Variants in MGAT5B observed in about 807,000 individuals in gnomAD.
MGAT5B encodes the protein alpha-1,6-mannosylglycoprotein 6-beta-N-acetylglucosaminyltransferase B, also known as N-acetylglucosaminyl-transferase Vb.
MGAT5B carries 54 observed loss-of-function variants against 95.1 expected under a neutral mutation model. The ratio of observed to expected loss-of-function variants is 0.57; its 90% CI spans 0.46 to 0.71. The LOEUF is 0.71. MGAT5B is among the 30% of genes least tolerant of loss of function. The pLI is 0.00. For synonymous variants in MGAT5B, 464 were observed against 451.0 expected, an observed-to-expected ratio of 1.03 and a Z score of -0.36; for missense variants, 935 against 1,088.6, an observed-to-expected ratio of 0.86 and a Z score of 1.99.
chr17:76,887,666 G>A (rs1450275504), intron 3 of MGAT5B, among the ~76,000 whole-genome samples: 1 of 149,230 alleles, frequency 6.7e-6, no homozygotes, highest in Admixed American at 6.7e-5. Flanking sequence ...CAATTCTCCC[G>A]CCTCAGCCTC....
chr17:76,902,713 CAATGAACT>C, intron 4 of MGAT5B, 43 bp downstream of exon 4: 7 of 711,214 alleles, frequency 9.8e-6, no homozygotes, highest in East Asian at 9.1e-5. Flanking sequence ...CCTAGGGGGC[CAATGAACT>C]GGGTGCTGGG....
chr17:76,935,352 T>C (rs1271744132), intron 12 of MGAT5B, among the ~76,000 whole-genome samples: 1 of 144,756 alleles, frequency 6.9e-6, no homozygotes, highest in Non-Finnish European at 1.5e-5. Context: ...AAACATATGC[T>C]TTCATTTCTC....
chr17:76,898,326 C>CTT (rs1356116019), intron 3 of MGAT5B, among the ~76,000 whole-genome samples: 3 of 130,340 alleles, frequency 2.3e-5, no homozygotes, highest in African/African-American at 1.0e-4. Context: ...AGTACATAAT[C>CTT]TTTTTATTTT....
intron 1 of MGAT5B, among the ~76,000 whole-genome samples, chr17:76,872,414 CTT>C (rs1018894303): frequency 6.6e-6 from 1 of 152,364 alleles, no homozygotes; most frequent in African/African-American, 2.4e-5. Context: ...CTTCAGGAGA[CTT>C]TGCTAAAACA....
At chr17:76,925,620 A>G (rs920337566) in intron 9 of MGAT5B, among the ~76,000 whole-genome samples, 20 of 152,058 alleles carry the variant, frequency 1.3e-4, no homozygotes, top group African/African-American at 3.4e-4. Flanking sequence ...CTCCAGTCCC[A>G]TTGACGATCC....
rs1252212737 is a variant in MGAT5B, at chr17:76,949,206, C to T, written c.*368C>T. 1.2e-5 allele frequency: 3 copies of T among 245,696 alleles called. No individual in the cohort carries two copies. In the East Asian group the frequency reaches 3.0e-4, roughly 25 times the overall value. The allele number at this position is 245,696 out of a possible 1,614,324, so 15.2% of individuals were successfully genotyped here. A position where few individuals can be genotyped will look rare whatever the true frequency, so the allele number is the denominator to read the frequency against. ...CGAAAGGGGCCCAGTCGTTCTTGGG[C>T]CCAGGATGGGGCCTCTAGACTTGCA... On this transcript the variant is annotated 3_prime_UTR_variant, in exon 18 of 18. Coordinates refer to ENST00000569840, the MANE Select transcript of MGAT5B (RefSeq NM_001199172.2).
intron 16 of MGAT5B, among the ~76,000 whole-genome samples, 181 bp downstream of exon 16, chr17:76,946,631 G>T (rs1221208235): frequency 6.6e-6 from 1 of 152,216 alleles, no homozygotes; most frequent in Non-Finnish European, 1.5e-5. Flanking sequence ...AGGCCTGACT[G>T]CGGGCCTGGA....
chr17:76,921,644 C>T lies in MGAT5B; in HGVS notation c.1026-3322C>T, dbSNP rs551301782. The stretch of plus-strand genomic sequence containing the variant: ...AGAGGCTGCTGCAGATCCTGGGGGG[C>T]GCAGGGTGTGGTGCAGGGGCTGCAG... On this transcript the variant is annotated intron_variant, in intron 8 of 17. Transcript: ENST00000569840. 5.3e-5 allele frequency among the ~76,000 whole-genome samples: 8 copies of T among 151,922 alleles called. 1 individual carries two copies. The highest frequency in any genetic ancestry group is 4.1e-4 in the South Asian group (2 of 4,824).
rs369174027 is a variant in MGAT5B at position 76,905,289 on chromosome 17, C to T, written c.811C>T (p.Arg271Cys). 1.5e-5 allele frequency: 24 copies of T among 1,605,506 alleles called. No individual in the cohort carries two copies. Among genetic ancestry groups the T allele is most frequent in the African/African-American group, 2.7e-5 (2 of 74,750 alleles). The change falls in exon 7 of 18, where the codon CGC becomes TGC. Residue 271 changes from arginine (R) to cysteine (C), a missense_variant. By Grantham distance (180) the Arg-to-Cys change is radical (BLOSUM62 -3). Around this residue, in one of 4 missense-constraint regions of MGAT5B, gnomAD observed 243 missense variants for 305.5 expected, o/e 0.80. Coordinates refer to ENST00000569840, the MANE Select transcript of MGAT5B (RefSeq NM_001199172.2). The surrounding 1 kb of genome is among the most constrained non-coding windows in gnomAD (Gnocchi z 4.2). ...AGCCCAGTGGGCGCTGGCTGCCCAG[C>T]GCCTGGCACAGAAGCTGGGGGCCAC... is the stretch of plus-strand genomic sequence containing the variant. ...LTAQWALAAQ[R>C]LAQKLGATQR...
rs571617140 is a variant in MGAT5B at position 76,901,443 on chromosome 17, C to T, written c.330-1112C>T. On this transcript the variant is annotated intron_variant, in intron 3 of 17. Coordinates refer to ENST00000569840, the MANE Select transcript of MGAT5B (RefSeq NM_001199172.2). ...CAAGCAGCTTCCTGGAGAAAGACCCCCAGGGCTATCTTTGTGTGAGAAGAT... is the reference window on the plus strand; with the variant it reads ...CAAGCAGCTTCCTGGAGAAAGACCCTCAGGGCTATCTTTGTGTGAGAAGAT... Among the ~76,000 whole-genome samples, 5 of 151,808 alleles carry T rather than the reference C, an allele frequency of 3.3e-5. No homozygotes were observed. In the South Asian group the frequency reaches 1.0e-3, roughly 32 times the overall value.
At chr17:76,910,862 A>G (rs976044907) in intron 8 of MGAT5B, among the ~76,000 whole-genome samples, 1 of 152,228 alleles carries the variant, frequency 6.6e-6, no homozygotes, top group African/African-American at 2.4e-5. Flanking sequence ...CAGACAGGGC[A>G]GAATGGTGTA....
chr17:76,868,921 G>C lies in MGAT5B; in HGVS notation c.-109G>C. 2 of 1,053,390 alleles carry C rather than the reference G, an allele frequency of 1.9e-6. No individual in the cohort carries two copies. The highest frequency in any genetic ancestry group is 2.8e-6 in the Non-Finnish European group (2 of 723,264). 65.3% of individuals were successfully genotyped at this position (1,053,390 alleles called of 1,614,324 possible). A position where few individuals can be genotyped will look rare whatever the true frequency, so the allele number is the denominator to read the frequency against. On this transcript the variant is annotated 5_prime_UTR_variant, in exon 1 of 18. Coordinates refer to ENST00000569840, the MANE Select transcript of MGAT5B (RefSeq NM_001199172.2). The surrounding 1 kb of genome is among the most constrained non-coding windows in gnomAD (Gnocchi z 6.3). ...GGCCGCGCGCTCCCAGCTTCGCTCG[G>C]ACGCGGCTTCGGCCCGCAGAGGGTT...
chr17:76,940,403 T>G lies in MGAT5B; in HGVS notation c.1586T>G (p.Leu529Arg). Residue 529 changes from leucine (L) to arginine (R), a missense_variant and splice_region_variant, in exon 14 of 18, where the codon CTC (leucine) becomes CGC (arginine). Leu to Arg is a moderately radical substitution (Grantham distance 102). This residue lies in a region of MGAT5B where 440 missense variants were observed against 523.6 expected (regional missense o/e 0.84). Transcript: ENST00000569840. The surrounding 1 kb of genome is among the most constrained non-coding windows in gnomAD (Gnocchi z 4.3). ...TCACTGCGCCCCTTGACTCTGCAGC[T>G]CTTCATCGGGTTTGGCTTCCCCTAC... ...EFQQLLRKAK[L>R]FIGFGFPYEG... is the part of the protein sequence containing the mutation. 1 of 1,599,784 alleles carries G rather than the reference T, an allele frequency of 6.3e-7. No homozygotes were observed. The highest frequency in any genetic ancestry group is 8.5e-7 in the Non-Finnish European group (1 of 1,172,376).
chr17:76,901,332 A>C (rs1408275744), intron 3 of MGAT5B, among the ~76,000 whole-genome samples: 1 of 152,052 alleles, frequency 6.6e-6, no homozygotes, highest in Admixed American at 6.6e-5. Context: ...TATAGGGATA[A>C]ACGGAGCTTA....
intron 11 of MGAT5B, 45 bp from the exon 12 acceptor site, chr17:76,933,247 C>G: frequency 1.3e-6 from 2 of 1,598,084 alleles, no homozygotes; most frequent in Non-Finnish European, 1.7e-6. Flanking sequence ...CACTAACCTG[C>G]TGTCTCTCTC....
chr17:76,875,653 CTTT>C (rs547158669), intron 2 of MGAT5B, among the ~76,000 whole-genome samples: 302 of 67,020 alleles, frequency 4.5e-3, no homozygotes, highest in Middle Eastern at 0.012. Context: ...GTCACTTGCA[CTTT>C]TTTTTTTTTT....
intron 8 of MGAT5B, chr17:76,924,304 AGCCGGATGGGAT>A (rs1211176310): frequency 1.3e-5 from 2 of 152,644 alleles, no homozygotes; most frequent in Non-Finnish European, 2.9e-5. Context: ...CAGCAGCTCC[AGCCGGATGGGAT>A]GCCAGATGGC....
At position 76,868,968 on chromosome 17, in the gene MGAT5B, G is replaced by T; in HGVS notation, c.-62G>T. On this transcript the variant is annotated 5_prime_UTR_variant, in exon 1 of 18. Transcript: ENST00000569840. This position sits in a 1 kb window ranked among gnomAD's most constrained non-coding sequence, Gnocchi z 6.3. ...GGTTCGTGGCCCGGACGCGGCGAGA[G>T]CTGGGCCCAGGACGGTGCGTCCGGC... is the stretch of plus-strand genomic sequence containing the variant. 6.5e-7 allele frequency: 1 copy of T among 1,541,144 alleles called. No homozygotes were observed. The highest frequency in any genetic ancestry group is 9.0e-7 in the Non-Finnish European group (1 of 1,116,616).
rs1274487656 is a variant in MGAT5B at position 76,868,852 on chromosome 17, C to T, written c.-178C>T. 5.4e-6 allele frequency: 2 copies of T among 367,288 alleles called. No individual in the cohort carries two copies. The highest frequency in any genetic ancestry group is 4.3e-5 in the African/African-American group (2 of 46,612). 22.8% of individuals were successfully genotyped at this position (367,288 alleles called of 1,614,324 possible). On this transcript the variant is annotated 5_prime_UTR_variant, in exon 1 of 18. Coordinates refer to ENST00000569840, the MANE Select transcript of MGAT5B (RefSeq NM_001199172.2). This position sits in a 1 kb window ranked among gnomAD's most constrained non-coding sequence, Gnocchi z 6.3. ...CCTCGCCGCCCTCCGGCAGCCGCGC[C>T]GCTCCCTCCGCTGCACGCCCAGGCC...
Sources: allele counts gnomAD v4.1 joint callset (sites outside exome capture counted in the v4.1 genomes callset), GRCh38; gene constraint gnomAD v4.1.1; regional missense constraint gnomAD v4.1.1; non-coding constraint Gnocchi (gnomAD v3.1); transcripts MANE v1.5; gene names NCBI Gene and HGNC (gene_info 2026-07-23, HGNC 2026-07-21).